MITF: variants seen among roughly 807,000 people sequenced by gnomAD.
MITF encodes the protein microphthalmia-associated transcription factor.
A neutral mutation model predicts 60.5 loss-of-function variants in MITF; 17 were observed. That is an observed-to-expected ratio of 0.28 (90% confidence interval 0.19 to 0.42). The LOEUF (loss-of-function observed/expected upper bound fraction) is 0.42. Among genes scored for constraint, MITF ranks in the 10% least tolerant of loss-of-function variants. MITF has a pLI of 1.00. For synonymous variants in MITF, 260 were observed against 248.5 expected, an observed-to-expected ratio of 1.05 and a Z score of -0.43; for missense variants, 622 against 683.5, an observed-to-expected ratio of 0.91 and a Z score of 1.00.
chr3:69,741,568 C>T (rs1223241458), intron 1 of MITF, among the ~76,000 whole-genome samples: 1 of 152,126 alleles, frequency 6.6e-6, no homozygotes, highest in Non-Finnish European at 1.5e-5. Flanking sequence ...CAGTAGCTAG[C>T]TAGCAGGCAC....
At chr3:69,946,808 T>A (rs2066108544) in intron 5 of MITF, among the ~76,000 whole-genome samples, 1 of 152,184 alleles carries the variant, frequency 6.6e-6, no homozygotes, top group Non-Finnish European at 1.5e-5. Context: ...TTCATTTCCC[T>A]TTTTGATGTG....
intron 1 of MITF, among the ~76,000 whole-genome samples, chr3:69,827,631 G>T (rs2063376940): frequency 6.6e-6 from 1 of 152,158 alleles, no homozygotes; most frequent in Non-Finnish European, 1.5e-5. Flanking sequence ...AAGGGACTTG[G>T]CACAGAGTCC....
rs1003135191 is a variant in MITF at position 69,967,403 on chromosome 3, G to T, written c.*2155G>T. ...TATTTTTCTCTTCATATTTATATGG[G>T]GGGGAGGGCGCTGGATGCAAAAGTT... On this transcript the variant is annotated 3_prime_UTR_variant, in exon 10 of 10. Coordinates refer to ENST00000352241, the MANE Select transcript of MITF (RefSeq NM_001354604.2). 9 of 233,008 alleles carry T rather than the reference G, an allele frequency of 3.9e-5. No homozygotes were observed. The East Asian group carries it at 5.4e-4, about 14-fold the overall frequency. 14.4% of individuals were successfully genotyped at this position (233,008 alleles called of 1,614,324 possible). A position where few individuals can be genotyped will look rare whatever the true frequency, so the allele number is the denominator to read the frequency against.
chr3:69,833,856 C>T (rs1157105990), intron 1 of MITF, among the ~76,000 whole-genome samples: 1 of 152,164 alleles, frequency 6.6e-6, no homozygotes, highest in African/African-American at 2.4e-5. Context: ...TTTTTATTGC[C>T]TGTCCACCTG....
intron 4 of MITF, 30 bp from the exon 5 acceptor site, chr3:69,941,206 G>A (rs745922477): frequency 4.2e-6 from 6 of 1,434,502 alleles, no homozygotes; most frequent in South Asian, 1.1e-5. Context: ...ATTTATTTTT[G>A]TCTCTCTTCT....
At chr3:69,814,302 T>G (rs2063146679) in intron 1 of MITF, among the ~76,000 whole-genome samples, 1 of 152,088 alleles carries the variant, frequency 6.6e-6, no homozygotes, top group East Asian at 1.9e-4. Flanking sequence ...ATTGACTCAT[T>G]CATTCATTCA....
chr3:69,881,775 G>A (rs2064494535), intron 2 of MITF, among the ~76,000 whole-genome samples: 1 of 151,892 alleles, frequency 6.6e-6, no homozygotes, highest in Admixed American at 6.6e-5. Context: ...TCAAAGAATG[G>A]TAATACCAAG....
chr3:69,945,111 G>C (rs903578599), intron 5 of MITF, among the ~76,000 whole-genome samples: 1 of 152,070 alleles, frequency 6.6e-6, no homozygotes, highest in Admixed American at 6.5e-5. Flanking sequence ...AAGAATAAAA[G>C]TCCCAGTTTA....
In MITF at chr3:69,937,904, C is replaced by A; in HGVS notation, c.437C>A (p.Thr146Asn). 6.2e-7 allele frequency: 1 copy of A among 1,614,162 alleles called. No homozygotes were observed. The highest frequency in any genetic ancestry group is 8.5e-7 in the Non-Finnish European group (1 of 1,180,010). ...RQQVKQYLST[T>N]LANKHANQVL... ...CAGGTAAAGCAGTACCTTTCTACCACTTTAGCAAATAAACATGCCAACCAA... is the reference window on the plus strand; with the variant it reads ...CAGGTAAAGCAGTACCTTTCTACCAATTTAGCAAATAAACATGCCAACCAA... The change falls in exon 3 of 10, where the codon ACT becomes AAT. Residue 146 changes from threonine to asparagine, a missense_variant. By Grantham distance (65) the Thr-to-Asn change is moderately conservative. Transcript: ENST00000352241.
At chr3:69,879,460 A>G (rs1447164661) in intron 2 of MITF, 77 bp downstream of exon 2, 3 of 1,600,866 alleles carry the variant, frequency 1.9e-6, no homozygotes, top group Admixed American at 3.4e-5. Flanking sequence ...GTTTATCTGA[A>G]TATGTATTTT....
At chr3:69,827,538 T>C (rs1469173508) in intron 1 of MITF, among the ~76,000 whole-genome samples, 1 of 152,140 alleles carries the variant, frequency 6.6e-6, no homozygotes, top group East Asian at 1.9e-4. Flanking sequence ...TCACTTGTAC[T>C]CACATTTGTT....
intron 2 of MITF, among the ~76,000 whole-genome samples, chr3:69,919,764 G>C (rs991051593): frequency 6.6e-6 from 1 of 151,790 alleles, no homozygotes; most frequent in Admixed American, 6.6e-5. Context: ...AGATTGGAAA[G>C]AAATAACTTT....
intron 1 of MITF, among the ~76,000 whole-genome samples, chr3:69,832,324 C>T (rs1433890601): frequency 6.6e-6 from 1 of 152,164 alleles, no homozygotes; most frequent in Admixed American, 6.5e-5. Flanking sequence ...AGGCCTCTTT[C>T]TGAGGATACG....
At chr3:69,815,266 A>G (rs1226525501) in intron 1 of MITF, among the ~76,000 whole-genome samples, 1 of 152,140 alleles carries the variant, frequency 6.6e-6, no homozygotes, top group East Asian at 1.9e-4. Context: ...ACCCAGGCCT[A>G]CCAAGTTAAC....
chr3:69,952,032 C>A (rs2066267767), intron 7 of MITF, 146 bp downstream of exon 7: 1 of 681,546 alleles, frequency 1.5e-6, no homozygotes, highest in Admixed American at 2.3e-5. Context: ...TTGACAGAAA[C>A]CAAGGTATAT....
chr3:69,777,262 A>T (rs1156903653), intron 1 of MITF, among the ~76,000 whole-genome samples: 2 of 152,232 alleles, frequency 1.3e-5, no homozygotes, highest in Non-Finnish European at 2.9e-5. Context: ...TTCATGGAGT[A>T]AAGTTTTGAC....
intron 2 of MITF, among the ~76,000 whole-genome samples, chr3:69,918,864 A>G (rs1351688429): frequency 6.6e-6 from 1 of 152,240 alleles, no homozygotes; most frequent in South Asian, 2.1e-4. Context: ...ATACTCTCCA[A>G]TAACTATTTT....
chr3:69,959,337 C>T lies in MITF; in HGVS notation c.1096C>T (p.Arg366Ter), dbSNP rs2066482593. ...CGTGGACTATATCCGAAAGTTGCAA[C>T]GAGAACAGCAACGCGCAAAAGAACT... is the stretch of plus-strand genomic sequence containing the variant. ...ASVDYIRKLQ[R>*]EQQRAKELEN... Residue 366 changes from arginine to a stop codon, truncating the protein, a stop_gained, in exon 9 of 10, where the codon CGA becomes TGA. Transcript: ENST00000352241. LOFTEE classifies it high-confidence loss of function. 1 of 1,613,950 alleles carries T rather than the reference C, an allele frequency of 6.2e-7. No individual in the cohort carries two copies. The highest frequency in any genetic ancestry group is 8.5e-7 in the Non-Finnish European group (1 of 1,179,966).
At chr3:69,890,319 C>T (rs2064731104) in intron 2 of MITF, among the ~76,000 whole-genome samples, 1 of 152,120 alleles carries the variant, frequency 6.6e-6, no homozygotes, top group Non-Finnish European at 1.5e-5. Context: ...GGTGACAGCC[C>T]TCAACTTGTT....
Sources: gnomAD v4.1 joint callset for allele counts (sites outside exome capture counted in the v4.1 genomes callset) on GRCh38, gnomAD v4.1.1 for gene constraint, MANE v1.5 for transcripts, NCBI Gene and HGNC (gene_info 2026-07-23, HGNC 2026-07-21) for gene names.